The following NBAS variants were observed in gnomAD, a reference collection of about 807,000 sequenced individuals.
NBAS encodes NAG/BC035112 fusion.
A neutral mutation model predicts 302.5 loss-of-function variants in NBAS; 219 were observed. The observed-to-expected ratio is 0.72, with a 90% CI of 0.65 to 0.81. The LOEUF is 0.81. Ranked by LOEUF, NBAS falls within the 30% of genes least tolerant of loss-of-function variation. NBAS has a pLI of 0.00. For missense variants in NBAS, 2,932 were observed against 2,841.6 expected, an observed-to-expected ratio of 1.03 and a Z score of -0.72; for synonymous variants, 1,118 against 1,021.6, an observed-to-expected ratio of 1.09 and a Z score of -1.80.
chr2:15,496,097 T>C (rs1572929951), intron 11 of NBAS, among the ~76,000 whole-genome samples: 1 of 143,964 alleles, frequency 6.9e-6, no homozygotes, highest in African/African-American at 2.5e-5. Context: ...CATATACAGA[T>C]ACACACACAC....
intron 48 of NBAS, among the ~76,000 whole-genome samples, chr2:15,206,678 C>T (rs1429588825): frequency 2.6e-5 from 4 of 152,208 alleles, no homozygotes; most frequent in Non-Finnish European, 5.9e-5. Flanking sequence ...GCCACTCAGG[C>T]TCCAGCTGTG....
chr2:15,353,450 A>G, intron 34 of NBAS, 103 bp downstream of exon 34: 5 of 1,390,744 alleles, frequency 3.6e-6, no homozygotes, highest in Non-Finnish European at 4.1e-6. Context: ...TCCATAAATT[A>G]AAATTCTCAT....
At chr2:15,073,823 TTA>T in the NBAS span, among the ~76,000 whole-genome samples, 11 of 152,316 alleles carry the variant, frequency 7.2e-5, no homozygotes, top group Non-Finnish European at 1.5e-4. Flanking sequence ...CTGACTCATT[TTA>T]TGTGTTTTGA....
chr2:15,337,410 T>A (rs1672640011), intron 35 of NBAS, among the ~76,000 whole-genome samples: 1 of 151,798 alleles, frequency 6.6e-6, no homozygotes, highest in Admixed American at 6.6e-5. Flanking sequence ...CTAAAGAACT[T>A]ACTCATGTAA....
At chr2:14,996,104 C>G in the NBAS span, among the ~76,000 whole-genome samples, 18 of 152,280 alleles carry the variant, frequency 1.2e-4, no homozygotes, top group East Asian at 3.3e-3. Flanking sequence ...GCCTCTGTCA[C>G]AGTGCTTGGC....
the NBAS span, among the ~76,000 whole-genome samples, chr2:15,046,346 TA>T: frequency 2.0e-5 from 3 of 152,200 alleles, no homozygotes; most frequent in Admixed American, 2.0e-4. Flanking sequence ...CATATAGTCT[TA>T]AAACATTTTT....
intron 48 of NBAS, among the ~76,000 whole-genome samples, chr2:15,212,850 C>A (rs906162457): frequency 4.0e-5 from 5 of 125,382 alleles, no homozygotes; most frequent in Admixed American, 3.3e-4. Context: ...GCCTCCCCAG[C>A]CCTGCAGAAT....
At position 15,477,909 on chromosome 2, in the gene NBAS, C is replaced by A. The variant is rs545435714; in HGVS notation, c.1147+317G>T. The stretch of plus-strand genomic sequence containing the variant: ...CAGCCTAACCCTAATTACCCCCAAC[C>A]CGCGAGATAACTTTACTCAGTGTTT... On this transcript the variant is annotated intron_variant, in intron 13 of 51. Transcript: ENST00000281513. Among the ~76,000 whole-genome samples the A allele has an allele frequency of 3.9e-5, 6 of 152,270 alleles. No individual in the cohort carries two copies. The East Asian group carries it at 5.8e-4, about 15-fold the overall frequency.
intron 51 of NBAS, among the ~76,000 whole-genome samples, chr2:15,175,168 G>A (rs1376456861): frequency 3.3e-5 from 5 of 151,998 alleles, no homozygotes; most frequent in Admixed American, 1.3e-4. Flanking sequence ...GGGTTTCACC[G>A]TGTTAGCCAG....
rs188069897 is a variant in NBAS, at chr2:15,314,633, A to G, written c.4583-5386T>C. On this transcript the variant is annotated intron_variant, in intron 38 of 51. Coordinates refer to ENST00000281513, the MANE Select transcript of NBAS (RefSeq NM_015909.4). ...TAAAAGAATTCTGGCGGTCCCTTAT[A>G]AAACTAAACAAACCCATAATCTTTG... Among the ~76,000 whole-genome samples, 543 of 152,314 alleles carry G rather than the reference A, an allele frequency of 3.6e-3. 1 individual carries two copies. The highest frequency in any genetic ancestry group is 0.017 in the Middle Eastern group (5 of 294).
the NBAS span, among the ~76,000 whole-genome samples, chr2:14,876,805 AGGAC>A: frequency 2.6e-5 from 4 of 152,344 alleles, no homozygotes; most frequent in African/African-American, 9.6e-5. Flanking sequence ...AGCTCTCTGT[AGGAC>A]AGGGCCTCCC....
chr2:15,239,642 G>T (rs986937267), intron 44 of NBAS, among the ~76,000 whole-genome samples: 7 of 151,598 alleles, frequency 4.6e-5, no homozygotes, highest in Admixed American at 4.6e-4. Context: ...ACCTGTACAT[G>T]CATATAAAGT....
the NBAS span, among the ~76,000 whole-genome samples, chr2:15,021,603 C>T: frequency 6.6e-6 from 1 of 152,208 alleles, no homozygotes; most frequent in African/African-American, 2.4e-5. Flanking sequence ...GGAGCTCATC[C>T]TAGAGCTAAG....
At chr2:15,169,642 A>G (rs552531979) in intron 51 of NBAS, among the ~76,000 whole-genome samples, 6 of 152,240 alleles carry the variant, frequency 3.9e-5, no homozygotes, top group Non-Finnish European at 7.4e-5. Context: ...GTCTCGGCCT[A>G]GTTTACTTGT....
intron 21 of NBAS, among the ~76,000 whole-genome samples, chr2:15,442,933 C>T (rs1175901907): frequency 6.6e-6 from 1 of 152,230 alleles, no homozygotes; most frequent in South Asian, 2.1e-4. Context: ...GACACATACA[C>T]TCTCCCAACA....
intron 21 of NBAS, among the ~76,000 whole-genome samples, chr2:15,439,743 C>G (rs1678248449): frequency 6.6e-6 from 1 of 152,176 alleles, no homozygotes; most frequent in Non-Finnish European, 1.5e-5. Flanking sequence ...AGGGAGTTCC[C>G]TTTCCTAGTC....
At chr2:14,832,828 C>A in the NBAS span, among the ~76,000 whole-genome samples, 1 of 152,190 alleles carries the variant, frequency 6.6e-6, no homozygotes, top group East Asian at 1.9e-4. Context: ...GTGGTAGCTT[C>A]TGCTCCCCAT....
At chr2:15,522,734 G>GTTAT (rs1662732206) in intron 9 of NBAS, among the ~76,000 whole-genome samples, 1 of 152,186 alleles carries the variant, frequency 6.6e-6, no homozygotes, top group Admixed American at 6.5e-5. Flanking sequence ...ATACCACAGG[G>GTTAT]TTATGGGCGC....
At chr2:15,071,624 CAAAA>C in the NBAS span, among the ~76,000 whole-genome samples, 3 of 75,006 alleles carry the variant, frequency 4.0e-5, no homozygotes, top group Admixed American at 3.1e-4. Flanking sequence ...ACTCCATCTC[CAAAA>C]AAAAAAAAAA....
Sources: allele counts gnomAD v4.1 joint callset (sites outside exome capture counted in the v4.1 genomes callset), GRCh38; gene constraint gnomAD v4.1.1; transcripts MANE v1.5; gene names NCBI Gene and HGNC (gene_info 2026-07-23, HGNC 2026-07-21).